CBR4: variants seen among roughly 807,000 people sequenced by gnomAD.
CBR4 encodes 3-oxoacyl-[acyl-carrier-protein] reductase.
Under a neutral mutation model 21.0 loss-of-function variants are expected in CBR4, and 22 were observed. That is an observed-to-expected ratio of 1.05 (90% confidence interval 0.75 to 1.50). CBR4 has a LOEUF of 1.50. Ranked by LOEUF, CBR4 falls within the 40% of genes most tolerant of loss-of-function variation. The pLI is 0.00. For synonymous variants in CBR4, 100 were observed against 104.4 expected (o/e 0.96, Z 0.26); for missense variants, 302 against 286.3 (o/e 1.05, Z -0.40).
chr4:168,907,095 T>C (rs187655539), intron 2 of CBR4, among the ~76,000 whole-genome samples: 1 of 152,054 alleles, frequency 6.6e-6, no homozygotes, highest in Admixed American at 6.5e-5. Flanking sequence ...TCTCTGTGCC[T>C]GTTTCCTCCC....
chr4:168,894,783 C>A, intron 2 of CBR4: 1 of 1,532,932 alleles, frequency 6.5e-7, no homozygotes. Context: ...AAGTAGAGGG[C>A]AAGTCACAGA....
At chr4:168,927,632 T>TATTA in intron 2 of CBR4, 1 of 227,272 alleles carries the variant, frequency 4.4e-6, no homozygotes, top group Middle Eastern at 1.3e-3. Flanking sequence ...AAATGAAAAT[T>TATTA]ATTAGTTCAC....
intron 2 of CBR4, among the ~76,000 whole-genome samples, chr4:169,007,107 C>T (rs559619897): frequency 5.1e-4 from 78 of 152,276 alleles, no homozygotes; most frequent in African/African-American, 1.9e-3. Flanking sequence ...CAGGTTGCTA[C>T]CCCTTCTCAG....
intron 2 of CBR4, among the ~76,000 whole-genome samples, chr4:168,970,514 A>G (rs1300030757): frequency 6.6e-6 from 1 of 152,148 alleles, no homozygotes; most frequent in Non-Finnish European, 1.5e-5. Flanking sequence ...CAATTTTTTA[A>G]GGAACAGGTG....
chr4:168,966,513 C>T (rs1340599308), intron 2 of CBR4, among the ~76,000 whole-genome samples: 2 of 150,424 alleles, frequency 1.3e-5, no homozygotes, highest in African/African-American at 4.9e-5. Flanking sequence ...GACGACAGAG[C>T]GAGACTCCGT....
At chr4:168,976,990 C>G (rs1764392170) in intron 2 of CBR4, among the ~76,000 whole-genome samples, 1 of 152,230 alleles carries the variant, frequency 6.6e-6, no homozygotes, top group South Asian at 2.1e-4. Context: ...GCCAACTTTT[C>G]CCCCCTCACA....
intron 2 of CBR4, among the ~76,000 whole-genome samples, chr4:168,977,540 A>G (rs1005181813): frequency 6.6e-6 from 1 of 152,154 alleles, no homozygotes; most frequent in Non-Finnish European, 1.5e-5. Context: ...CGCTCACTCT[A>G]AACTCTCTAC....
At chr4:169,006,967 T>A in intron 2 of CBR4, 76 bp from the exon 3 acceptor site, 1 of 1,185,160 alleles carries the variant, frequency 8.4e-7, no homozygotes, top group Admixed American at 1.9e-5. Context: ...ATGTAACATT[T>A]TTACTGAGAG....
downstream of CBR4, among the ~76,000 whole-genome samples, chr4:168,986,251 T>C (rs1356157747): frequency 1.3e-5 from 2 of 152,222 alleles, no homozygotes; most frequent in Non-Finnish European, 2.9e-5. Flanking sequence ...CACCATTTTA[T>C]GTAAGGGACT....
chr4:168,923,555 C>G (rs930504611), intron 2 of CBR4, among the ~76,000 whole-genome samples: 17 of 151,478 alleles, frequency 1.1e-4, no homozygotes, highest in African/African-American at 4.1e-4. Flanking sequence ...AACAATCAGT[C>G]CTGAATTTTT....
At chr4:168,905,138 GTTTTT>G (rs777740588) in intron 2 of CBR4, among the ~76,000 whole-genome samples, 2 of 34,524 alleles carry the variant, frequency 5.8e-5, no homozygotes, top group Non-Finnish European at 1.4e-4. Context: ...TGTTTTGTTG[GTTTTT>G]TTTTTTTTTT....
chr4:168,907,326 C>T (rs1320924575), intron 2 of CBR4, among the ~76,000 whole-genome samples: 1 of 152,192 alleles, frequency 6.6e-6, no homozygotes, highest in African/African-American at 2.4e-5. Flanking sequence ...CTAGGTACTC[C>T]GTTCCCACAG....
intron 2 of CBR4, chr4:168,896,671 CGT>C (rs1560876980): frequency 3.6e-6 from 3 of 833,366 alleles, no homozygotes; most frequent in Non-Finnish European, 5.8e-6. Flanking sequence ...TCCTGTTTTA[CGT>C]GTGTTTCTAT....
intron 2 of CBR4, among the ~76,000 whole-genome samples, chr4:168,920,979 A>T (rs1480591271): frequency 6.6e-6 from 1 of 152,138 alleles, no homozygotes; most frequent in Non-Finnish European, 1.5e-5. Context: ...CATGACAGCA[A>T]TTTTTTAAAT....
At chr4:168,946,351 C>T (rs1014631433) in intron 2 of CBR4, among the ~76,000 whole-genome samples, 1 of 152,210 alleles carries the variant, frequency 6.6e-6, no homozygotes, top group African/African-American at 2.4e-5. Context: ...GGTCCAGGAA[C>T]TCCAAAGATT....
At chr4:168,973,811 G>C (rs1038524085) in intron 2 of CBR4, among the ~76,000 whole-genome samples, 1 of 152,110 alleles carries the variant, frequency 6.6e-6, no homozygotes, top group African/African-American at 2.4e-5. Context: ...ATCTCCTCTA[G>C]GTTTTCTAGT....
At chr4:168,918,494 T>C (rs1375792024) in intron 2 of CBR4, among the ~76,000 whole-genome samples, 1 of 152,054 alleles carries the variant, frequency 6.6e-6, no homozygotes, top group Non-Finnish European at 1.5e-5. Context: ...GTTGAACTCA[T>C]AGTAGAGAAT....
At chr4:168,898,532 G>A (rs1463921617) in intron 2 of CBR4, 1 of 1,613,848 alleles carries the variant, frequency 6.2e-7, no homozygotes, top group Non-Finnish European at 8.5e-7. Context: ...ACTCATCAGT[G>A]AAATAGAGTA....
At chr4:168,972,019 T>C (rs746341911) in intron 2 of CBR4, among the ~76,000 whole-genome samples, 1 of 152,366 alleles carries the variant, frequency 6.6e-6, no homozygotes, top group African/African-American at 2.4e-5. Flanking sequence ...TTGCCAATTA[T>C]CTCAGCACCA....
Sources: gnomAD v4.1 joint callset for allele counts (sites outside exome capture counted in the v4.1 genomes callset) on GRCh38, gnomAD v4.1.1 for gene constraint, MANE v1.5 for transcripts, NCBI Gene and HGNC (gene_info 2026-07-23, HGNC 2026-07-21) for gene names.